CNTN4: variants seen among roughly 807,000 people sequenced by gnomAD.
The protein encoded by CNTN4 is contactin 4.
In CNTN4, 77 loss-of-function variants were observed where a neutral mutation model predicts 122.5. That is an observed-to-expected ratio of 0.63 (90% CI 0.52 to 0.76). The LOEUF (loss-of-function observed/expected upper bound fraction) is 0.76. CNTN4 is among the 30% of genes least tolerant of loss of function. The pLI, the probability that CNTN4 is intolerant of heterozygous loss-of-function variation, is 0.00. For synonymous variants in CNTN4, 512 were observed against 447.0 expected (o/e 1.15, Z -1.83); for missense variants, 1,256 against 1,259.1 (o/e 1.00, Z 0.04).
At chr3:2,602,283 G>A (rs1410004555) in intron 4 of CNTN4, among the ~76,000 whole-genome samples, 2 of 152,100 alleles carry the variant, frequency 1.3e-5, no homozygotes, top group African/African-American at 4.8e-5. Flanking sequence ...TATTCAATTA[G>A]GAAAAGATGT....
At chr3:2,467,829 G>A (rs1192923611) in intron 3 of CNTN4, among the ~76,000 whole-genome samples, 1 of 152,124 alleles carries the variant, frequency 6.6e-6, no homozygotes, top group East Asian at 1.9e-4. Flanking sequence ...TGAGTGCAGA[G>A]ACTATTCCTG....
intron 3 of CNTN4, among the ~76,000 whole-genome samples, chr3:2,393,985 C>T (rs980075555): frequency 2.0e-5 from 3 of 152,090 alleles, no homozygotes; most frequent in Middle Eastern, 6.8e-3. Flanking sequence ...GTGGTTTTTA[C>T]TATTACTTTT....
intron 4 of CNTN4, among the ~76,000 whole-genome samples, chr3:2,606,775 T>G (rs1317855776): frequency 3.3e-5 from 5 of 152,232 alleles, no homozygotes; most frequent in Non-Finnish European, 7.3e-5. Context: ...TCTGTGTCTT[T>G]AAAAGCACAT....
At chr3:2,355,607 C>T (rs1462208235) in intron 3 of CNTN4, among the ~76,000 whole-genome samples, 1 of 152,162 alleles carries the variant, frequency 6.6e-6, no homozygotes. Flanking sequence ...CCTGCGCCCT[C>T]CTCCAACCCC....
At chr3:2,944,473 A>G (rs531928281) in intron 13 of CNTN4, among the ~76,000 whole-genome samples, 1 of 152,234 alleles carries the variant, frequency 6.6e-6, no homozygotes, top group African/African-American at 2.4e-5. Flanking sequence ...TTGGTAACGA[A>G]ACTTTTATTA....
At chr3:2,349,953 A>G (rs1420775622) in intron 3 of CNTN4, among the ~76,000 whole-genome samples, 1 of 152,180 alleles carries the variant, frequency 6.6e-6, no homozygotes, top group Non-Finnish European at 1.5e-5. Context: ...GGATGATATT[A>G]ACATATCTCT....
chr3:2,561,752 G>A (rs1043831677), intron 3 of CNTN4, among the ~76,000 whole-genome samples: 2 of 152,156 alleles, frequency 1.3e-5, no homozygotes, highest in African/African-American at 4.8e-5. Flanking sequence ...TGGTAGAGCT[G>A]GGATTTAAAC....
chr3:2,289,821 G>C (rs893004248), intron 2 of CNTN4, among the ~76,000 whole-genome samples: 1 of 152,130 alleles, frequency 6.6e-6, no homozygotes, highest in African/African-American at 2.4e-5. Context: ...AATAGTCATT[G>C]ATGTGTAAGT....
intron 13 of CNTN4, among the ~76,000 whole-genome samples, chr3:2,955,213 A>G (rs1191059310): frequency 7.2e-5 from 11 of 152,224 alleles, no homozygotes; most frequent in Non-Finnish European, 1.2e-4. Context: ...GTCATATATA[A>G]TGAGCAAGAT....
chr3:2,285,424 A>G (rs573856550), intron 2 of CNTN4, among the ~76,000 whole-genome samples: 6 of 152,266 alleles, frequency 3.9e-5, no homozygotes, highest in Non-Finnish European at 5.9e-5. Flanking sequence ...TTATTGTGAA[A>G]AGGAAACACT....
At chr3:2,448,404 C>A (rs2151333323) in intron 3 of CNTN4, among the ~76,000 whole-genome samples, 1 of 152,306 alleles carries the variant, frequency 6.6e-6, no homozygotes, top group South Asian at 2.1e-4. Flanking sequence ...CATTGGGACA[C>A]TATTCTCGAC....
intron 6 of CNTN4, among the ~76,000 whole-genome samples, chr3:2,757,050 C>T (rs1277732233): frequency 6.6e-6 from 1 of 152,136 alleles, no homozygotes; most frequent in African/African-American, 2.4e-5. Flanking sequence ...AAATCAGGTG[C>T]TTTTGTAACT....
chr3:2,103,138 A>G (rs1215112096), intron 2 of CNTN4, among the ~76,000 whole-genome samples: 14 of 151,378 alleles, frequency 9.2e-5, no homozygotes, highest in Admixed American at 8.5e-4. Flanking sequence ...CAGAGCTGGG[A>G]TCTGAACCAG....
intron 3 of CNTN4, among the ~76,000 whole-genome samples, chr3:2,486,383 G>A (rs1268771483): frequency 1.3e-5 from 2 of 152,128 alleles, no homozygotes; most frequent in East Asian, 3.9e-4. Flanking sequence ...ATGTTTAGCT[G>A]AATCAAGAGG....
At chr3:2,319,269 C>T (rs2043205082) in intron 2 of CNTN4, among the ~76,000 whole-genome samples, 1 of 151,978 alleles carries the variant, frequency 6.6e-6, no homozygotes, top group Non-Finnish European at 1.5e-5. Context: ...TGATTTTACA[C>T]ATCTGTAATA....
intron 3 of CNTN4, among the ~76,000 whole-genome samples, chr3:2,550,628 C>G (rs1025963544): frequency 1.3e-5 from 2 of 152,160 alleles, no homozygotes. Flanking sequence ...ATAAACCATT[C>G]TACTATAAAG....
intron 2 of CNTN4, among the ~76,000 whole-genome samples, chr3:2,299,354 G>A (rs1185932077): frequency 1.3e-5 from 2 of 152,088 alleles, no homozygotes; most frequent in African/African-American, 4.8e-5. Flanking sequence ...TGGGGTACGA[G>A]TGTTTTTTGG....
chr3:2,275,438 A>G (rs1400000980), intron 2 of CNTN4, among the ~76,000 whole-genome samples: 3 of 152,136 alleles, frequency 2.0e-5, no homozygotes, highest in Non-Finnish European at 2.9e-5. Context: ...AAAGTTTCCT[A>G]TAATAGTATT....
chr3:2,993,273 T>A (rs1695212694), intron 14 of CNTN4, among the ~76,000 whole-genome samples: 1 of 152,084 alleles, frequency 6.6e-6, no homozygotes, highest in Admixed American at 6.6e-5. Flanking sequence ...ACAGCAAAGT[T>A]GAGTAATTAT....
Sources: allele counts gnomAD v4.1 joint callset (sites outside exome capture counted in the v4.1 genomes callset), GRCh38; gene constraint gnomAD v4.1.1; transcripts MANE v1.5; gene names NCBI Gene and HGNC (gene_info 2026-07-23, HGNC 2026-07-21).